IPO11: variants seen among roughly 807,000 people sequenced by gnomAD.
IPO11 encodes the protein importin-11.
In IPO11, 66 loss-of-function variants were observed where a neutral mutation model predicts 143.2. The observed-to-expected ratio is 0.46, with a 90% CI of 0.38 to 0.57. IPO11 has a LOEUF of 0.57. Ranked by LOEUF, IPO11 falls within the 20% of genes least tolerant of loss-of-function variation. The pLI is 0.00. For synonymous variants in IPO11, 385 were observed against 377.8 expected (o/e 1.02, Z -0.22); for missense variants, 1,026 against 1,141.0 (o/e 0.90, Z 1.45).
intron 7 of IPO11, 86 bp from the exon 8 acceptor site, chr5:62,474,326 TGATA>T: frequency 1.3e-6 from 1 of 745,296 alleles, no homozygotes; most frequent in South Asian, 2.2e-5. Flanking sequence ...TTAAGTGATG[TGATA>T]GATTTGTTTT....
At chr5:62,444,428 G>A (rs1744637279) in intron 3 of IPO11, among the ~76,000 whole-genome samples, 1 of 151,814 alleles carries the variant, frequency 6.6e-6, no homozygotes, top group African/African-American at 2.4e-5. Context: ...TCATAATTTT[G>A]GAGAGAAATA....
chr5:62,508,771 A>G (rs1741650099), intron 19 of IPO11, among the ~76,000 whole-genome samples: 1 of 152,006 alleles, frequency 6.6e-6, no homozygotes, highest in Admixed American at 6.6e-5. Flanking sequence ...CTCGCCCCCA[A>G]CAGGCCCCGG....
chr5:62,552,148 A>T (rs1743410285), intron 26 of IPO11, among the ~76,000 whole-genome samples: 1 of 152,016 alleles, frequency 6.6e-6, no homozygotes, highest in African/African-American at 2.4e-5. Flanking sequence ...AAAAAAGACT[A>T]TATATGAGAT....
chr5:62,571,043 A>C (rs1449544621), intron 27 of IPO11, among the ~76,000 whole-genome samples: 2 of 152,254 alleles, frequency 1.3e-5, no homozygotes, highest in Non-Finnish European at 2.9e-5. Flanking sequence ...CACTAGAAAA[A>C]GTACTCAGAG....
intron 20 of IPO11, among the ~76,000 whole-genome samples, chr5:62,525,385 TGA>T (rs1398164860): frequency 4.0e-5 from 6 of 150,414 alleles, no homozygotes; most frequent in Non-Finnish European, 5.9e-5. Flanking sequence ...TGTGTGTGTG[TGA>T]GGTGAGGAGG....
intron 27 of IPO11, chr5:62,580,035 C>T: frequency 1.9e-6 from 3 of 1,551,142 alleles, no homozygotes; most frequent in Non-Finnish European, 2.6e-6. Flanking sequence ...CAGAATCAGG[C>T]TTTCAACATC....
chr5:62,581,376 T>C, intron 27 of IPO11: 1 of 1,136,944 alleles, frequency 8.8e-7, no homozygotes, highest in Non-Finnish European at 1.2e-6. Context: ...CCTCCTTATA[T>C]AATTATATAC....
At chr5:62,514,630 G>A (rs1469344718) in intron 19 of IPO11, among the ~76,000 whole-genome samples, 2 of 151,628 alleles carry the variant, frequency 1.3e-5, no homozygotes, top group Non-Finnish European at 3.0e-5. Flanking sequence ...GAGGGAGAGG[G>A]AGAGGGAGAC....
chr5:62,541,627 G>A (rs927300762), intron 24 of IPO11, among the ~76,000 whole-genome samples: 1 of 151,858 alleles, frequency 6.6e-6, no homozygotes, highest in African/African-American at 2.4e-5. Flanking sequence ...GCTGCAGTGA[G>A]CTGAGATTGT....
intron 5 of IPO11, 52 bp downstream of exon 5, chr5:62,451,985 G>T: frequency 6.8e-7 from 1 of 1,461,624 alleles, no homozygotes; most frequent in Non-Finnish European, 9.6e-7. Flanking sequence ...GCGGCCGGGC[G>T]TGGTGGCTTA....
intron 29 of IPO11, among the ~76,000 whole-genome samples, chr5:62,608,164 C>G (rs986702887): frequency 5.9e-5 from 9 of 152,208 alleles, no homozygotes; most frequent in African/African-American, 2.2e-4. Flanking sequence ...CAACATTTCT[C>G]TCTCATCACA....
At chr5:62,485,338 A>T in intron 11 of IPO11, 81 bp from the exon 12 acceptor site, 1 of 1,125,482 alleles carries the variant, frequency 8.9e-7, no homozygotes, top group Non-Finnish European at 1.3e-6. Flanking sequence ...GTTCACAAAA[A>T]TATTATACTG....
At chr5:62,599,254 A>C (rs891201107) in intron 28 of IPO11, among the ~76,000 whole-genome samples, 1 of 152,232 alleles carries the variant, frequency 6.6e-6, no homozygotes, top group African/African-American at 2.4e-5. Context: ...CTTTGCCCCA[A>C]CTATCCCTCC....
chr5:62,596,155 G>A (rs1745206077), intron 28 of IPO11, among the ~76,000 whole-genome samples: 1 of 150,696 alleles, frequency 6.6e-6, no homozygotes, highest in South Asian at 2.1e-4. Context: ...CTGCTTAGCA[G>A]CTGCTTGGGA....
intron 27 of IPO11, among the ~76,000 whole-genome samples, chr5:62,567,057 A>G (rs1364843951): frequency 1.3e-5 from 2 of 151,890 alleles, no homozygotes; most frequent in African/African-American, 4.8e-5. Flanking sequence ...TTTTACCATT[A>G]TTTTCTTTAA....
intron 16 of IPO11, among the ~76,000 whole-genome samples, chr5:62,503,671 A>G (rs1286737644): frequency 6.6e-6 from 1 of 152,150 alleles, no homozygotes; most frequent in Non-Finnish European, 1.5e-5. Flanking sequence ...AAATGTTCAC[A>G]TTGCCTTTAG....
intron 3 of IPO11, among the ~76,000 whole-genome samples, chr5:62,444,847 C>T (rs552073034): frequency 5.3e-4 from 80 of 150,028 alleles, no homozygotes; most frequent in Middle Eastern, 7.0e-3. Flanking sequence ...CCAGCCTGGG[C>T]GACACAGTGA....
At chr5:62,490,901 G>A (rs920726748) in intron 15 of IPO11, among the ~76,000 whole-genome samples, 24 of 152,040 alleles carry the variant, frequency 1.6e-4, no homozygotes, top group African/African-American at 5.3e-4. Context: ...GATTACAGGC[G>A]CATGCCACCA....
intron 29 of IPO11, among the ~76,000 whole-genome samples, chr5:62,619,710 G>A (rs186144416): frequency 8.9e-4 from 136 of 152,074 alleles, no homozygotes; most frequent in Middle Eastern, 3.4e-3. Context: ...AAAATTAGCC[G>A]GGCACGGTGG....
Sources: gnomAD v4.1 joint callset for allele counts (sites outside exome capture counted in the v4.1 genomes callset) on GRCh38, gnomAD v4.1.1 for gene constraint, MANE v1.5 for transcripts, NCBI Gene and HGNC (gene_info 2026-07-23, HGNC 2026-07-21) for gene names.